Variants in MNAT1 observed in about 807,000 individuals in gnomAD.
MNAT1 encodes the protein MNAT1 component of CDK activating kinase.
In MNAT1, 43 loss-of-function variants were observed where a neutral mutation model predicts 42.0. The ratio of observed to expected loss-of-function variants is 1.02; its 90% CI spans 0.80 to 1.32. MNAT1 has a LOEUF of 1.32. MNAT1 is among the 40% of genes most tolerant of loss of function. The pLI is 0.00. For missense variants in MNAT1, 306 were observed against 350.4 expected (o/e 0.87, Z 1.01); for synonymous variants, 118 against 120.0 (o/e 0.98, Z 0.11).
intron 1 of MNAT1, among the ~76,000 whole-genome samples, chr14:60,741,591 C>G (rs1302943901): frequency 1.3e-5 from 2 of 150,278 alleles, no homozygotes; most frequent in African/African-American, 4.9e-5. Flanking sequence ...GATCTCCTGA[C>G]CTCGTGATCC....
chr14:60,827,136 A>G (rs2033079042), intron 6 of MNAT1, among the ~76,000 whole-genome samples: 1 of 152,244 alleles, frequency 6.6e-6, no homozygotes, highest in South Asian at 2.1e-4. Context: ...TTTATGGATC[A>G]CAAAGATAAC....
intron 7 of MNAT1, among the ~76,000 whole-genome samples, chr14:60,945,562 C>T (rs772572786): frequency 2.6e-5 from 4 of 152,090 alleles, no homozygotes; most frequent in Non-Finnish European, 2.9e-5. Flanking sequence ...TTCTAAAATT[C>T]CTTTATAATC....
chr14:60,815,277 G>A (rs887481346), intron 5 of MNAT1, among the ~76,000 whole-genome samples: 61 of 151,436 alleles, frequency 4.0e-4, no homozygotes, highest in Admixed American at 2.3e-3. Flanking sequence ...GTGCAGTGGC[G>A]TGATCTTGGC....
At chr14:60,874,387 C>T (rs1053959959) in intron 6 of MNAT1, among the ~76,000 whole-genome samples, 4 of 152,182 alleles carry the variant, frequency 2.6e-5, no homozygotes, top group Non-Finnish European at 5.9e-5. Context: ...GGTAATATCG[C>T]TGTCCTCCCC....
chr14:60,891,116 T>C (rs1166944076), intron 7 of MNAT1, among the ~76,000 whole-genome samples: 1 of 152,200 alleles, frequency 6.6e-6, no homozygotes, highest in East Asian at 1.9e-4. Flanking sequence ...TTCTTTAGAA[T>C]TGGTAATAAT....
intron 7 of MNAT1, among the ~76,000 whole-genome samples, chr14:60,935,294 C>T (rs1250286749): frequency 2.0e-5 from 3 of 151,602 alleles, no homozygotes; most frequent in African/African-American, 4.9e-5. Context: ...TCCTCCCTCC[C>T]TCATCTACCT....
intron 5 of MNAT1, among the ~76,000 whole-genome samples, chr14:60,814,072 T>C (rs767052936): frequency 5.3e-5 from 8 of 152,192 alleles, no homozygotes; most frequent in Non-Finnish European, 1.0e-4. Context: ...CTAAAATACA[T>C]TGTTTCTGAA....
chr14:60,874,024 A>G, intron 6 of MNAT1, among the ~76,000 whole-genome samples: 1 of 152,184 alleles, frequency 6.6e-6, no homozygotes, highest in Non-Finnish European at 1.5e-5. Flanking sequence ...AAATTATTAC[A>G]GATGGTATTA....
At chr14:60,938,923 C>G (rs1243186497) in intron 7 of MNAT1, among the ~76,000 whole-genome samples, 1 of 152,242 alleles carries the variant, frequency 6.6e-6, no homozygotes, top group Middle Eastern at 3.4e-3. Flanking sequence ...TGTTATTGGT[C>G]TATTCAGAGA....
intron 6 of MNAT1, among the ~76,000 whole-genome samples, chr14:60,878,349 A>G (rs561996197): frequency 4.9e-4 from 75 of 152,240 alleles, no homozygotes; most frequent in African/African-American, 1.8e-3. Flanking sequence ...TATTATTATT[A>G]CTGAAGAAAA....
At chr14:60,822,925 T>G (rs2032941014) in intron 6 of MNAT1, among the ~76,000 whole-genome samples, 1 of 152,022 alleles carries the variant, frequency 6.6e-6, no homozygotes, top group Non-Finnish European at 1.5e-5. Context: ...CCCGGCTATT[T>G]TTTGTAATTT....
chr14:60,752,284 A>G (rs1045045557), intron 1 of MNAT1, among the ~76,000 whole-genome samples: 2 of 152,178 alleles, frequency 1.3e-5, no homozygotes, highest in Non-Finnish European at 2.9e-5. Flanking sequence ...TTTGAGATCT[A>G]TTGGAGCATA....
chr14:60,928,795 A>G (rs1566562639), intron 7 of MNAT1, among the ~76,000 whole-genome samples: 1 of 146,408 alleles, frequency 6.8e-6, no homozygotes, highest in Non-Finnish European at 1.5e-5. Context: ...AGCACTTGCC[A>G]TATATATATA....
chr14:60,912,251 C>T (rs578197536), intron 7 of MNAT1, among the ~76,000 whole-genome samples: 1 of 152,232 alleles, frequency 6.6e-6, no homozygotes, highest in African/African-American at 2.4e-5. Flanking sequence ...ATACAGCACA[C>T]TGATGGGTCT....
At chr14:60,750,000 T>C (rs2030000382) in intron 1 of MNAT1, among the ~76,000 whole-genome samples, 1 of 152,112 alleles carries the variant, frequency 6.6e-6, no homozygotes, top group Non-Finnish European at 1.5e-5. Flanking sequence ...ATCCTAAGAA[T>C]CATCTGGGGT....
At chr14:60,909,396 C>A (rs2035292577) in intron 7 of MNAT1, among the ~76,000 whole-genome samples, 1 of 152,062 alleles carries the variant, frequency 6.6e-6, no homozygotes, top group South Asian at 2.1e-4. Context: ...GAAGTCCTTG[C>A]CCATGCCTAT....
At chr14:60,893,372 A>C (rs1300802620) in intron 7 of MNAT1, among the ~76,000 whole-genome samples, 1 of 152,042 alleles carries the variant, frequency 6.6e-6, no homozygotes, top group Non-Finnish European at 1.5e-5. Context: ...TTAAGTTATT[A>C]ATCATAGTAT....
intron 1 of MNAT1, among the ~76,000 whole-genome samples, chr14:60,755,106 C>A (rs1283525885): frequency 1.3e-5 from 2 of 151,924 alleles, no homozygotes; most frequent in Non-Finnish European, 2.9e-5. Flanking sequence ...CTCAGGAACC[C>A]TTCTGCCTCA....
intron 1 of MNAT1, among the ~76,000 whole-genome samples, chr14:60,750,057 G>T (rs2030004988): frequency 6.6e-6 from 1 of 152,082 alleles, no homozygotes; most frequent in Non-Finnish European, 1.5e-5. Flanking sequence ...GTCTTTCGAG[G>T]TGGGGACCAG....
Sources: gnomAD v4.1 joint callset for allele counts (sites outside exome capture counted in the v4.1 genomes callset) on GRCh38, gnomAD v4.1.1 for gene constraint, MANE v1.5 for transcripts, NCBI Gene and HGNC (gene_info 2026-07-23, HGNC 2026-07-21) for gene names.